Variants in NKAIN3 observed in about 807,000 individuals in gnomAD.
NKAIN3 encodes sodium/potassium transporting ATPase interacting 3.
NKAIN3 carries 25 observed loss-of-function variants against 30.2 expected under a neutral mutation model. The ratio of observed to expected loss-of-function variants is 0.83; its 90% CI spans 0.60 to 1.16. The LOEUF is 1.16. NKAIN3 is among the 50% of genes most tolerant of loss of function. The probability of loss-of-function intolerance (pLI) is 0.00; values close to 1 mark genes in which losing one functional copy is unlikely to be tolerated. For missense variants in NKAIN3, 225 were observed against 254.1 expected (o/e 0.89, Z 0.78); for synonymous variants, 91 against 89.6 (o/e 1.02, Z -0.09).
chr8:62,878,313 T>C (rs1323510869), intron 4 of NKAIN3, among the ~76,000 whole-genome samples: 2 of 152,106 alleles, frequency 1.3e-5, no homozygotes, highest in African/African-American at 4.8e-5. Context: ...ATAATCCTTT[T>C]CTTATCAATT....
In NKAIN3 at chr8:62,892,922, A is replaced by T. The variant is rs10957253; in HGVS notation, c.472-25531A>T. On this transcript the variant is annotated intron_variant, in intron 4 of 6. Transcript: ENST00000623646. Reference sequence around the variant, plus strand: ...TCTGTGGGTCAATTTCATGACCTAAAAAATAAAGGGATGGGGAGGGATCCT... The same window carrying T: ...TCTGTGGGTCAATTTCATGACCTAATAAATAAAGGGATGGGGAGGGATCCT... Among the ~76,000 whole-genome samples the T allele has an allele frequency of 3.2e-4, 48 of 152,132 alleles. No homozygotes were observed. In the East Asian group the frequency reaches 8.7e-3, roughly 28 times the overall value.
intron 1 of NKAIN3, among the ~76,000 whole-genome samples, chr8:62,510,166 G>A (rs746199169): frequency 6.6e-5 from 10 of 152,102 alleles, no homozygotes; most frequent in Non-Finnish European, 1.2e-4. Context: ...AGAGAAAAGT[G>A]AAGACCAAAT....
intron 3 of NKAIN3, among the ~76,000 whole-genome samples, chr8:62,690,740 G>A (rs764827648): frequency 2.6e-5 from 4 of 152,156 alleles, no homozygotes; most frequent in Non-Finnish European, 5.9e-5. Flanking sequence ...TGAGCAAAAC[G>A]GTCCACTGAT....
At chr8:62,340,797 C>T (rs574177703) in intron 1 of NKAIN3, among the ~76,000 whole-genome samples, 5 of 152,026 alleles carry the variant, frequency 3.3e-5, no homozygotes, top group African/African-American at 7.2e-5. Context: ...AACTTGGCTA[C>T]GCAGGCTTCC....
Position 62,496,131 on chromosome 8 carries a change from C to T in NKAIN3, c.55-83408C>T, listed in dbSNP as rs963573026. The stretch of plus-strand genomic sequence containing the variant: ...ATCTTTTAATGATGTGCATCATGGC[C>T]TATTAATTTAACAGTCTTTAATAAT... On this transcript the variant is annotated intron_variant, in intron 1 of 6. Transcript: ENST00000623646. Among the ~76,000 whole-genome samples the T allele has an allele frequency of 3.3e-5, 5 of 152,086 alleles. No homozygotes were observed. In the East Asian group the frequency reaches 9.6e-4, roughly 29 times the overall value.
chr8:62,431,327 G>A (rs1037521769), intron 1 of NKAIN3, among the ~76,000 whole-genome samples: 2 of 151,862 alleles, frequency 1.3e-5, no homozygotes, highest in Non-Finnish European at 2.9e-5. Context: ...AAAGACCCAA[G>A]ATGAACATCA....
At position 62,935,187 on chromosome 8, in the gene NKAIN3, G is replaced by A. The variant is rs146369875; in HGVS notation, c.532+16674G>A. Among the ~76,000 whole-genome samples the A allele has an allele frequency of 2.7e-3, 404 of 152,146 alleles. 6 individuals carry two copies. Among genetic ancestry groups the A allele is most frequent in the African/African-American group, 8.9e-3 (367 of 41,468 alleles). On this transcript the variant is annotated intron_variant, in intron 5 of 6. Coordinates refer to ENST00000623646, the MANE Select transcript of NKAIN3 (RefSeq NM_001304533.3). Reference sequence around the variant, plus strand: ...TCCAACCAAACACAAGTACAAGTTCGTGAAAGTTCCACAGGGACACAACAC... The same window carrying A: ...TCCAACCAAACACAAGTACAAGTTCATGAAAGTTCCACAGGGACACAACAC...
chr8:62,275,479 A>G (rs933021445), intron 1 of NKAIN3, among the ~76,000 whole-genome samples: 3 of 152,196 alleles, frequency 2.0e-5, no homozygotes, highest in Non-Finnish European at 2.9e-5. Flanking sequence ...TTTCCCCCAC[A>G]TTATGAGCCT....
intron 1 of NKAIN3, among the ~76,000 whole-genome samples, chr8:62,440,428 C>T (rs1236801644): frequency 6.6e-6 from 1 of 152,154 alleles, no homozygotes; most frequent in Non-Finnish European, 1.5e-5. Context: ...AATATATTAG[C>T]ACGTATGTCA....
intron 1 of NKAIN3, among the ~76,000 whole-genome samples, chr8:62,283,763 G>A (rs915519913): frequency 6.6e-6 from 1 of 151,920 alleles, no homozygotes; most frequent in Non-Finnish European, 1.5e-5. Context: ...CAGCATTTCT[G>A]TTTGTCCTAT....
chr8:62,481,898 G>C (rs878956188), intron 1 of NKAIN3, among the ~76,000 whole-genome samples: 2 of 152,126 alleles, frequency 1.3e-5, no homozygotes, highest in Non-Finnish European at 2.9e-5. Flanking sequence ...TGTGTTTACC[G>C]AATGAATCTA....
At chr8:62,954,296 C>T (rs1823362186) in intron 6 of NKAIN3, among the ~76,000 whole-genome samples, 2 of 152,124 alleles carry the variant, frequency 1.3e-5, no homozygotes, top group South Asian at 4.1e-4. Flanking sequence ...GGCAGCACAG[C>T]AAAGTAAAAA....
At chr8:62,770,836 C>T (rs562446818) in intron 4 of NKAIN3, among the ~76,000 whole-genome samples, 3 of 148,848 alleles carry the variant, frequency 2.0e-5, no homozygotes, top group South Asian at 4.2e-4. Flanking sequence ...CAAGATTAAA[C>T]CTAGAAAATT....
intron 3 of NKAIN3, among the ~76,000 whole-genome samples, chr8:62,682,130 C>A (rs2130420632): frequency 6.6e-6 from 1 of 152,184 alleles, no homozygotes; most frequent in South Asian, 2.1e-4. Context: ...TGCTCCTGGA[C>A]CCGGAGAGAC....
intron 5 of NKAIN3, among the ~76,000 whole-genome samples, chr8:62,920,575 G>A (rs769389083): frequency 5.9e-5 from 9 of 152,244 alleles, no homozygotes; most frequent in South Asian, 2.1e-4. Context: ...AGATATCGTC[G>A]TTCCATTGAC....
chr8:62,388,599 T>C (rs1429102993), intron 1 of NKAIN3, among the ~76,000 whole-genome samples: 1 of 152,252 alleles, frequency 6.6e-6, no homozygotes, highest in African/African-American at 2.4e-5. Flanking sequence ...AAGTGCTACT[T>C]TAGACACTTG....
chr8:62,872,275 C>T (rs1357635157), intron 4 of NKAIN3, among the ~76,000 whole-genome samples: 1 of 152,208 alleles, frequency 6.6e-6, no homozygotes, highest in African/African-American at 2.4e-5. Context: ...CAATGCATGA[C>T]TAGAGCATAT....
At chr8:62,993,277 G>A (rs940202766) in intron 5 of NKAIN3, among the ~76,000 whole-genome samples, 1 of 152,178 alleles carries the variant, frequency 6.6e-6, no homozygotes, top group African/African-American at 2.4e-5. Context: ...TGAACACATA[G>A]CAAACTCTGC....
intron 1 of NKAIN3, among the ~76,000 whole-genome samples, chr8:62,547,145 T>G (rs1296600921): frequency 6.6e-6 from 1 of 152,164 alleles, no homozygotes; most frequent in Non-Finnish European, 1.5e-5. Context: ...ATTGCTATGA[T>G]CAAATAAATT....
Sources: allele counts gnomAD v4.1 joint callset (sites outside exome capture counted in the v4.1 genomes callset), GRCh38; gene constraint gnomAD v4.1.1; transcripts MANE v1.5; gene names NCBI Gene and HGNC (gene_info 2026-07-23, HGNC 2026-07-21).